The following PSMA1 variants were observed in gnomAD, a reference collection of about 807,000 sequenced individuals.
PSMA1 encodes the protein proteasome subunit alpha type-1.
Under a neutral mutation model 38.4 loss-of-function variants are expected in PSMA1, and 3 were observed. That is an observed-to-expected ratio of 0.08 (90% CI 0.04 to 0.20). The LOEUF (loss-of-function observed/expected upper bound fraction) is 0.20, where lower values mean the gene tolerates loss of function less well. PSMA1 is among the 10% of genes least tolerant of loss of function. PSMA1 has a pLI of 1.00. For synonymous variants in PSMA1, 101 were observed against 107.1 expected (o/e 0.94, Z 0.35); for missense variants, 227 against 325.3 (o/e 0.70, Z 2.32).
rs188893903 is a variant in PSMA1, at chr11:14,591,450, C to T, written c.21+19516G>A. Among the ~76,000 whole-genome samples, 1,111 of 152,278 alleles carry T rather than the reference C, an allele frequency of 7.3e-3. 16 individuals are homozygous for T. The highest frequency in any genetic ancestry group is 0.029 in the Admixed American group (440 of 15,294). On this transcript the variant is annotated intron_variant, in intron 2 of 10. Transcript: ENST00000418988. ...CCACCCAAGGGCTGAGGAGTGTGGG[C>T]GCACGGCACTGGGACTGGCAGGCAG...
chr11:14,638,905 A>C lies in PSMA1; in HGVS notation c.-166+4550T>G, dbSNP rs1853162703. Among the ~76,000 whole-genome samples, 4 of 151,930 alleles carry C rather than the reference A, an allele frequency of 2.6e-5. No homozygotes were observed. In the South Asian group the frequency reaches 6.2e-4, roughly 24 times the overall value. Reference sequence around the variant, plus strand: ...TGCTTGTCTAGGGAGGGAACAAGAAAACTTGGAAAGAGTCTGCATTGCTGT... The same window carrying C: ...TGCTTGTCTAGGGAGGGAACAAGAACACTTGGAAAGAGTCTGCATTGCTGT... On this transcript the variant is annotated intron_variant, in intron 1 of 10. Transcript: ENST00000418988.
intron 2 of PSMA1, among the ~76,000 whole-genome samples, chr11:14,583,838 A>C (rs1156686187): frequency 6.6e-6 from 1 of 152,162 alleles, no homozygotes; most frequent in East Asian, 1.9e-4. Context: ...GTTGTGGTAG[A>C]TATCTGCTCA....
rs755524181 is a variant in PSMA1 at position 14,536,688 on chromosome 11, C to T, written c.22-17647G>A. On this transcript the variant is annotated intron_variant, in intron 2 of 10. Coordinates refer to the PSMA1 transcript ENST00000418988. ...GTGCAGTGGCACGATCTCGGCTTAT[C>T]GCAAGCTCCGCCTCCTGAGTTCATG... Among the ~76,000 whole-genome samples the T allele has an allele frequency of 5.9e-5, 9 of 152,092 alleles. No homozygotes were observed. The East Asian group carries it at 9.8e-4, about 16-fold the overall frequency.
chr11:14,605,539 A>C (rs1196828876), intron 2 of PSMA1, among the ~76,000 whole-genome samples: 1 of 152,028 alleles, frequency 6.6e-6, no homozygotes, highest in East Asian at 1.9e-4. Context: ...ATGCAACACC[A>C]TGCCTGGCGC....
intron 2 of PSMA1, among the ~76,000 whole-genome samples, chr11:14,551,387 G>A (rs1447618922): frequency 6.6e-6 from 1 of 152,150 alleles, no homozygotes; most frequent in East Asian, 1.9e-4. Context: ...AAATCATCCT[G>A]AAGAGACATG....
chr11:14,509,621 G>A (rs1321241628), intron 8 of PSMA1, among the ~76,000 whole-genome samples: 4 of 150,676 alleles, frequency 2.7e-5, no homozygotes, highest in Admixed American at 6.6e-5. Context: ...GGCTGGTCTC[G>A]AACTCCTGAT....
At chr11:14,639,944 C>T (rs1853176869) in intron 1 of PSMA1, among the ~76,000 whole-genome samples, 1 of 152,190 alleles carries the variant, frequency 6.6e-6, no homozygotes, top group South Asian at 2.1e-4. Context: ...TGTATCACAG[C>T]TCCTGTTACA....
At chr11:14,560,530 A>T (rs1489629372) in intron 2 of PSMA1, among the ~76,000 whole-genome samples, 1 of 152,098 alleles carries the variant, frequency 6.6e-6, no homozygotes, top group Admixed American at 6.5e-5. Context: ...GCAAAGTGAT[A>T]CCAAGAGATG....
At position 14,606,891 on chromosome 11, in the gene PSMA1, C is replaced by T. The variant is rs114908658; in HGVS notation, c.21+4075G>A. On this transcript the variant is annotated intron_variant, in intron 2 of 10. Coordinates refer to the PSMA1 transcript ENST00000418988. ...CTAAAGGCCAGAATTGAGGATGTGGCTTAGATGTGTGGGAATAATAGGCTT... is the reference window on the plus strand; with the variant it reads ...CTAAAGGCCAGAATTGAGGATGTGGTTTAGATGTGTGGGAATAATAGGCTT... 4.2e-3 allele frequency among the ~76,000 whole-genome samples: 647 copies of T among 152,242 alleles called. 5 individuals carry two copies. Among genetic ancestry groups the T allele is most frequent in the African/African-American group, 0.015 (628 of 41,544 alleles).
chr11:14,608,978 T>C (rs549659749), intron 2 of PSMA1, among the ~76,000 whole-genome samples: 41 of 152,304 alleles, frequency 2.7e-4, no homozygotes, highest in African/African-American at 9.4e-4. Flanking sequence ...CTTACTCTAC[T>C]CAGTCCTGGT....
rs113356623 is a variant in PSMA1 at position 14,548,147 on chromosome 11, AATATTT to A, written c.22-29112_22-29107del. On this transcript the variant is annotated intron_variant, in intron 2 of 10. Transcript: ENST00000418988. ...GTTAGCACTTTATAGATATTAATTT[AATATTT>A]ATAACATACCTACTAAGTGCTACTT... Among the ~76,000 whole-genome samples the A allele has an allele frequency of 7.7e-3, 1,168 of 152,280 alleles. 17 individuals carry two copies. The highest frequency in any genetic ancestry group is 0.027 in the African/African-American group (1,120 of 41,548).
chr11:14,505,654 T>A (rs1851233564), intron 9 of PSMA1, among the ~76,000 whole-genome samples: 5 of 150,526 alleles, frequency 3.3e-5, no homozygotes, highest in Non-Finnish European at 7.4e-5. Flanking sequence ...CCTAGAAATA[T>A]AAAAAAAAAG....
chr11:14,509,499 T>G (rs879513653), intron 8 of PSMA1, among the ~76,000 whole-genome samples: 6 of 152,098 alleles, frequency 3.9e-5, no homozygotes, highest in Middle Eastern at 3.4e-3. Context: ...AATCTGTTTT[T>G]TTTTTTTTTG....
At chr11:14,566,640 A>T (rs1852075267) in intron 2 of PSMA1, among the ~76,000 whole-genome samples, 1 of 152,220 alleles carries the variant, frequency 6.6e-6, no homozygotes, top group Admixed American at 6.5e-5. Context: ...AACTATGTCA[A>T]TAAGATATTT....
chr11:14,621,313 G>A (rs563548243), intron 1 of PSMA1, among the ~76,000 whole-genome samples: 8 of 150,852 alleles, frequency 5.3e-5, no homozygotes, highest in Non-Finnish European at 5.9e-5. Context: ...AGACCCCTCC[G>A]TCACCCAGCT....
chr11:14,566,889 G>A (rs375950236), intron 2 of PSMA1, among the ~76,000 whole-genome samples: 3 of 152,132 alleles, frequency 2.0e-5, no homozygotes, highest in Admixed American at 1.3e-4. Context: ...GCTGGGTCTC[G>A]CTCACAGGCC....
intron 2 of PSMA1, among the ~76,000 whole-genome samples, chr11:14,590,692 T>C (rs1294306357): frequency 6.6e-6 from 1 of 152,158 alleles, no homozygotes; most frequent in African/African-American, 2.4e-5. Flanking sequence ...CCAAGAGAGA[T>C]CGTAGCGGGG....
At chr11:14,581,511 C>T (rs1400906636) in intron 2 of PSMA1, among the ~76,000 whole-genome samples, 1 of 152,042 alleles carries the variant, frequency 6.6e-6, no homozygotes, top group Admixed American at 6.6e-5. Flanking sequence ...GAGTAAAACC[C>T]TTAATAAGAG....
At chr11:14,618,176 C>T (rs770960327) in intron 1 of PSMA1, among the ~76,000 whole-genome samples, 8 of 152,122 alleles carry the variant, frequency 5.3e-5, no homozygotes, top group Non-Finnish European at 1.0e-4. Context: ...ATGTAATTAT[C>T]GAGAAATGTG....
Sources: gnomAD v4.1 joint callset for allele counts (sites outside exome capture counted in the v4.1 genomes callset) on GRCh38, gnomAD v4.1.1 for gene constraint, MANE v1.5 for transcripts, NCBI Gene and HGNC (gene_info 2026-07-23, HGNC 2026-07-21) for gene names.